The following LUZP2 variants were observed in gnomAD, a reference collection of about 807,000 sequenced individuals.
LUZP2 encodes leucine zipper protein 2.
LUZP2 carries 52 observed loss-of-function variants against 51.6 expected under a neutral mutation model. The observed-to-expected ratio is 1.01, with a 90% CI of 0.81 to 1.27. The LOEUF (loss-of-function observed/expected upper bound fraction) is 1.27, where lower values mean the gene tolerates loss of function less well. Among genes scored for constraint, LUZP2 ranks in the 50% most tolerant of loss-of-function variants. The probability of loss-of-function intolerance (pLI) is 0.00; values close to 1 mark genes in which losing one functional copy is unlikely to be tolerated. For synonymous variants in LUZP2, 154 were observed against 137.3 expected (o/e 1.12, Z -0.85); for missense variants, 436 against 395.4 (o/e 1.10, Z -0.87).
chr11:24,914,158 A>G (rs1853724563), intron 6 of LUZP2, among the ~76,000 whole-genome samples: 1 of 152,206 alleles, frequency 6.6e-6, no homozygotes, highest in Non-Finnish European at 1.5e-5. Flanking sequence ...AGATATAATT[A>G]GCGTCTAAAA....
chr11:24,536,242 C>G (rs1212284200), intron 1 of LUZP2, among the ~76,000 whole-genome samples: 5 of 151,778 alleles, frequency 3.3e-5, no homozygotes. Flanking sequence ...CTGGCTTCAA[C>G]TTAAAGTCAC....
intron 1 of LUZP2, among the ~76,000 whole-genome samples, chr11:24,642,927 T>A (rs1252932060): frequency 6.6e-6 from 1 of 152,094 alleles, no homozygotes; most frequent in African/African-American, 2.4e-5. Flanking sequence ...CTAAACTGAA[T>A]TAGCAGGATT....
chr11:24,976,778 A>T, intron 8 of LUZP2, 113 bp downstream of exon 8: 1 of 565,734 alleles, frequency 1.8e-6, no homozygotes, highest in Non-Finnish European at 2.8e-6. Context: ...GTGTTTCTAG[A>T]TGCTGTGTAT....
At chr11:24,799,581 A>ACT (rs368295542) in intron 5 of LUZP2, among the ~76,000 whole-genome samples, 41 of 114,088 alleles carry the variant, frequency 3.6e-4, no homozygotes, top group African/African-American at 1.2e-3. Flanking sequence ...ACAGAGCAAG[A>ACT]CTGTTTCAAA....
chr11:24,502,712 T>C (rs187487688), intron 1 of LUZP2, among the ~76,000 whole-genome samples: 6 of 152,296 alleles, frequency 3.9e-5, no homozygotes, highest in Non-Finnish European at 5.9e-5. Context: ...GATGGTGCTG[T>C]ACACTTTGGT....
At chr11:25,059,837 G>C (rs554622345) in intron 10 of LUZP2, among the ~76,000 whole-genome samples, 10 of 152,246 alleles carry the variant, frequency 6.6e-5, no homozygotes, top group Non-Finnish European at 1.0e-4. Flanking sequence ...GTTGACCACA[G>C]AAGTGTAAAC....
chr11:24,745,930 G>A (rs1280282530), intron 4 of LUZP2, among the ~76,000 whole-genome samples: 2 of 151,964 alleles, frequency 1.3e-5, no homozygotes, highest in African/African-American at 2.4e-5. Flanking sequence ...CACCAGCCTC[G>A]GCTTCCCAAA....
intron 1 of LUZP2, among the ~76,000 whole-genome samples, chr11:24,553,847 G>A (rs192990942): frequency 7.2e-5 from 11 of 152,140 alleles, no homozygotes; most frequent in African/African-American, 2.6e-4. Flanking sequence ...CTTCTTAGTG[G>A]CAACTTCACT....
chr11:24,654,795 G>T lies in LUZP2; in HGVS notation c.63-74374G>T, dbSNP rs192743417. On this transcript the variant is annotated intron_variant, in intron 1 of 11. Transcript: ENST00000336930. ...CCGCTTCGGCCTCCAAAAGTGCTGG[G>T]ATTACAGGCATGAGCCACCGCGCCC... 2.0e-3 allele frequency among the ~76,000 whole-genome samples: 297 copies of T among 151,592 alleles called. 1 individual carries two copies. Among genetic ancestry groups the T allele is most frequent in the Non-Finnish European group, 3.3e-3 (221 of 67,920 alleles).
intron 1 of LUZP2, among the ~76,000 whole-genome samples, chr11:24,568,015 G>A (rs542328194): frequency 6.1e-4 from 93 of 152,026 alleles, no homozygotes; most frequent in Non-Finnish European, 1.1e-3. Context: ...TAATCAAAAG[G>A]CACAGATTGT....
intron 5 of LUZP2, among the ~76,000 whole-genome samples, chr11:24,819,505 A>G (rs555887341): frequency 6.6e-6 from 1 of 152,096 alleles, no homozygotes; most frequent in African/African-American, 2.4e-5. Context: ...ATATGCCCAG[A>G]AATCTCTATA....
At chr11:24,809,582 G>A (rs1849956631) in intron 5 of LUZP2, among the ~76,000 whole-genome samples, 1 of 152,096 alleles carries the variant, frequency 6.6e-6, no homozygotes, top group South Asian at 2.1e-4. Context: ...CAAGCCTTAA[G>A]GTATTTAGGG....
At chr11:24,662,360 C>T (rs1048567634) in intron 1 of LUZP2, among the ~76,000 whole-genome samples, 2 of 151,718 alleles carry the variant, frequency 1.3e-5, no homozygotes, top group East Asian at 3.9e-4. Flanking sequence ...TATTAAAAGG[C>T]CTACACTTAG....
At chr11:24,920,501 C>G (rs1449900125) in intron 7 of LUZP2, among the ~76,000 whole-genome samples, 6 of 151,960 alleles carry the variant, frequency 3.9e-5, no homozygotes, top group Non-Finnish European at 7.4e-5. Context: ...ACAGGTTTAT[C>G]ACAGTACTAT....
intron 9 of LUZP2, among the ~76,000 whole-genome samples, chr11:25,027,866 TC>T (rs1173949190): frequency 2.5e-5 from 1 of 39,512 alleles, no homozygotes; most frequent in African/African-American, 5.1e-5. Flanking sequence ...CGAAATTCCG[TC>T]TCAAAAAAAA....
chr11:24,666,364 T>G (rs940116595), intron 1 of LUZP2, among the ~76,000 whole-genome samples: 1 of 152,174 alleles, frequency 6.6e-6, no homozygotes, highest in Admixed American at 6.5e-5. Context: ...TTTTAGTCAT[T>G]GATTTTATAA....
At chr11:24,829,577 G>A (rs1850639337) in intron 5 of LUZP2, among the ~76,000 whole-genome samples, 1 of 152,208 alleles carries the variant, frequency 6.6e-6, no homozygotes, top group Non-Finnish European at 1.5e-5. Flanking sequence ...GAGGGTTAAA[G>A]CTGGAATCTT....
intron 7 of LUZP2, among the ~76,000 whole-genome samples, chr11:24,966,004 A>C (rs1480962042): frequency 6.6e-6 from 1 of 151,772 alleles, no homozygotes; most frequent in Non-Finnish European, 1.5e-5. Context: ...TCCTGGAGTA[A>C]TTTTTAGATA....
At chr11:24,877,192 A>T (rs989694615) in intron 5 of LUZP2, among the ~76,000 whole-genome samples, 2 of 152,164 alleles carry the variant, frequency 1.3e-5, no homozygotes, top group African/African-American at 2.4e-5. Flanking sequence ...TAAGATTGTT[A>T]GGAGAAGTAC....
Sources: allele counts gnomAD v4.1 joint callset (sites outside exome capture counted in the v4.1 genomes callset), GRCh38; gene constraint gnomAD v4.1.1; transcripts MANE v1.5; gene names NCBI Gene and HGNC (gene_info 2026-07-23, HGNC 2026-07-21).